Variants in UGGT1 observed in about 807,000 individuals in gnomAD.
The protein encoded by UGGT1 is UDP-glucose:glycoprotein glucosyltransferase 1.
A neutral mutation model predicts 203.9 loss-of-function variants in UGGT1; 107 were observed. That is an observed-to-expected ratio of 0.52 (90% CI 0.45 to 0.62). UGGT1 has a LOEUF of 0.62. UGGT1 is among the 20% of genes least tolerant of loss of function. The pLI, the probability that UGGT1 is intolerant of heterozygous loss-of-function variation, is 0.00. For missense variants in UGGT1, 1,673 were observed against 1,867.2 expected (o/e 0.90, Z 1.92); for synonymous variants, 628 against 653.5 (o/e 0.96, Z 0.59).
intron 4 of UGGT1, 36 bp downstream of exon 4, chr2:128,108,104 G>T: frequency 1.2e-6 from 2 of 1,611,418 alleles, no homozygotes; most frequent in Non-Finnish European, 1.7e-6. Context: ...GCATTTTAGA[G>T]TGTATATCAT....
At position 128,145,976 on chromosome 2, in the gene UGGT1, C is replaced by T. The variant is rs771699675; in HGVS notation, c.2016+9C>T. 9.9e-6 allele frequency: 16 copies of T among 1,613,216 alleles called. No homozygotes were observed. The highest frequency in any genetic ancestry group is 3.4e-5 in the Admixed American group (2 of 59,700). On this transcript the variant is annotated intron_variant, in intron 18 of 40. Coordinates refer to ENST00000259253, the MANE Select transcript of UGGT1 (RefSeq NM_020120.4). ...AAAGAGCGGTGTACTTGGTGAGTCA[C>T]GTTTCAAGGCTGATTTTTTAAAGAG...
chr2:128,111,168 C>T (rs7563534), intron 5 of UGGT1, among the ~76,000 whole-genome samples: 65,396 of 151,994 alleles, frequency 0.43, 14,391 homozygotes, highest in East Asian at 0.65. Context: ...ACCGGTGCAA[C>T]AAAGTGAGAC....
chr2:128,128,602 G>A (rs62157734), intron 12 of UGGT1, among the ~76,000 whole-genome samples: 2,634 of 152,254 alleles, frequency 0.017, 40 homozygotes, highest in Non-Finnish European at 0.02. Flanking sequence ...ATGAGCCACC[G>A]CGCCCAGCCC....
At chr2:128,123,430 C>CT in intron 11 of UGGT1, among the ~76,000 whole-genome samples, 184 bp downstream of exon 11, 1 of 152,156 alleles carries the variant, frequency 6.6e-6, no homozygotes, top group Non-Finnish European at 1.5e-5. Context: ...TAACTGAAAG[C>CT]ATGAAGTGGT....
At chr2:128,125,674 C>T (rs991181503) in intron 11 of UGGT1, among the ~76,000 whole-genome samples, 2 of 152,124 alleles carry the variant, frequency 1.3e-5, no homozygotes, top group Non-Finnish European at 2.9e-5. Context: ...ACTATCTTTA[C>T]CCCAAATTTC....
chr2:128,183,649 G>A, intron 37 of UGGT1, 26 bp from the exon 38 acceptor site: 1 of 1,561,332 alleles, frequency 6.4e-7, no homozygotes, highest in Non-Finnish European at 8.8e-7. Flanking sequence ...ATGGTTGGTT[G>A]TAACAAGCGG....
At chr2:128,125,466 T>C (rs946008568) in intron 11 of UGGT1, among the ~76,000 whole-genome samples, 1 of 152,204 alleles carries the variant, frequency 6.6e-6, no homozygotes, top group African/African-American at 2.4e-5. Flanking sequence ...TGTTGACCTT[T>C]CCTGTTGTTG....
At chr2:128,118,962 G>A (rs1176715914) in intron 8 of UGGT1, among the ~76,000 whole-genome samples, 4 of 152,186 alleles carry the variant, frequency 2.6e-5, no homozygotes, top group East Asian at 1.9e-4. Flanking sequence ...GAGCCACCGC[G>A]CCTGGCCTCA....
chr2:128,120,649 G>C (rs898986150), intron 9 of UGGT1, among the ~76,000 whole-genome samples, 193 bp downstream of exon 9: 3 of 152,188 alleles, frequency 2.0e-5, no homozygotes, highest in Admixed American at 1.3e-4. Context: ...ACACTAGGTA[G>C]AAGTAATATA....
At chr2:128,094,382 T>C (rs185949896) in intron 1 of UGGT1, among the ~76,000 whole-genome samples, 291 of 152,362 alleles carry the variant, frequency 1.9e-3, no homozygotes, top group Non-Finnish European at 3.6e-3. Flanking sequence ...ATTTAGAAGA[T>C]AGTTTTTTCT....
intron 8 of UGGT1, among the ~76,000 whole-genome samples, chr2:128,116,706 G>A (rs1248013845): frequency 1.3e-5 from 2 of 151,954 alleles, no homozygotes; most frequent in African/African-American, 4.8e-5. Context: ...TGTATCTTTA[G>A]CAGAGATGGT....
At chr2:128,161,371 G>A (rs946005524) in intron 25 of UGGT1, 103 bp downstream of exon 25, 1 of 1,360,780 alleles carries the variant, frequency 7.3e-7, no homozygotes, top group Non-Finnish European at 9.9e-7. Context: ...ATCCCAAGGA[G>A]TTTTATTTCC....
intron 4 of UGGT1, among the ~76,000 whole-genome samples, chr2:128,108,479 T>C (rs1049167275): frequency 1.3e-5 from 2 of 152,146 alleles, no homozygotes; most frequent in African/African-American, 4.8e-5. Context: ...TAAAGTAATC[T>C]AGTTTCTTCA....
intron 25 of UGGT1, among the ~76,000 whole-genome samples, chr2:128,162,796 A>G (rs1255966005): frequency 2.0e-5 from 3 of 152,170 alleles, no homozygotes; most frequent in African/African-American, 7.2e-5. Flanking sequence ...TTCTTGGGCT[A>G]TATAACTGCC....
At chr2:128,174,074 G>A in intron 30 of UGGT1, 135 bp downstream of exon 30, 1 of 1,040,012 alleles carries the variant, frequency 9.6e-7, no homozygotes, top group Non-Finnish European at 1.4e-6. Flanking sequence ...GGTCAATATA[G>A]AAATCATTAG....
intron 8 of UGGT1, among the ~76,000 whole-genome samples, chr2:128,116,566 G>T (rs183244903): frequency 6.6e-6 from 1 of 151,412 alleles, no homozygotes; most frequent in South Asian, 2.1e-4. Flanking sequence ...TCGCTGTGTC[G>T]CCCAGGTTGG....
chr2:128,183,892 G>T, intron 38 of UGGT1, 103 bp downstream of exon 38: 1 of 780,778 alleles, frequency 1.3e-6, no homozygotes, highest in Non-Finnish European at 2.1e-6. Flanking sequence ...TCACAGGATG[G>T]CGTCTTGTTT....
At position 128,109,623 on chromosome 2, in the gene UGGT1, T is replaced by G. The variant is rs375996329; in HGVS notation, c.409-11T>G. The G allele has an allele frequency of 1.0e-5, 16 of 1,606,648 alleles. No individual in the cohort carries two copies. The African/African-American group carries it at 2.0e-4, about 20-fold the overall frequency. On this transcript the variant is annotated splice_polypyrimidine_tract_variant and intron_variant, in intron 4 of 40. Transcript: ENST00000259253. ...AAATTTAAAAAGTATGTGTTGTGTC[T>G]TATGTGACAGATAGCAGCTGATGAA...
At position 128,105,487 on chromosome 2, in the gene UGGT1, C is replaced by CTTTATTTTATTTTATTTTAT. The variant is rs70988607; in HGVS notation, c.277+1491_277+1510dup. Among the ~76,000 whole-genome samples the CTTTATTTTATTTTATTTTAT allele has an allele frequency of 5.5e-3, 804 of 145,424 alleles. 5 individuals are homozygous for CTTTATTTTATTTTATTTTAT. Among genetic ancestry groups the CTTTATTTTATTTTATTTTAT allele is most frequent in the African/African-American group, 0.019 (765 of 40,200 alleles). ...AGTGACTGCACCCAGCTAGATTTTA[C>CTTTATTTTATTTTATTTTAT]TTTATTTTATTTTATTTTATTTTAT... On this transcript the variant is annotated intron_variant, in intron 3 of 40. Transcript: ENST00000259253.
Sources: allele counts gnomAD v4.1 joint callset (sites outside exome capture counted in the v4.1 genomes callset), GRCh38; gene constraint gnomAD v4.1.1; transcripts MANE v1.5; gene names NCBI Gene and HGNC (gene_info 2026-07-23, HGNC 2026-07-21).